SHROOM3: variants seen among roughly 807,000 people sequenced by gnomAD.
SHROOM3 encodes the protein shroom family member 3.
In SHROOM3, 47 loss-of-function variants were observed where a neutral mutation model predicts 138.6. The ratio of observed to expected loss-of-function variants is 0.34; its 90% CI spans 0.27 to 0.43. The LOEUF (loss-of-function observed/expected upper bound fraction) is 0.43, where lower values mean the gene tolerates loss of function less well. Ranked by LOEUF, SHROOM3 falls within the 20% of genes least tolerant of loss-of-function variation. The probability of loss-of-function intolerance (pLI) is 1.00; values close to 1 mark genes in which losing one functional copy is unlikely to be tolerated. For synonymous variants in SHROOM3, 1,062 were observed against 1,063.3 expected (o/e 1.00, Z 0.02); for missense variants, 2,491 against 2,596.5 (o/e 0.96, Z 0.88).
At chr4:76,725,150 C>T (rs1333202232) in intron 3 of SHROOM3, among the ~76,000 whole-genome samples, 1 of 151,726 alleles carries the variant, frequency 6.6e-6, no homozygotes, top group Non-Finnish European at 1.5e-5. Flanking sequence ...CCCTCCCCAC[C>T]CCCACCGCCA....
intron 2 of SHROOM3, among the ~76,000 whole-genome samples, chr4:76,667,087 C>T (rs1333191918): frequency 1.3e-5 from 2 of 152,034 alleles, no homozygotes; most frequent in Non-Finnish European, 2.9e-5. Flanking sequence ...GAGGATTGGA[C>T]AATTATTGTT....
At position 76,741,376 on chromosome 4, in the gene SHROOM3, G is replaced by A. The variant is rs773624898; in HGVS notation, c.3203G>A (p.Cys1068Tyr). ...CTCTTCGAGCGCGATGGCAAGGCCT[G>A]CTCCACGCTCAGCCTGTCGGGGCCC... Reference protein sequence around the residue: ...RRLFERDGKACSTLSLSGPEL... With the variant: ...RRLFERDGKAYSTLSLSGPEL... The change falls in exon 5 of 11, where the codon TGC becomes TAC. Residue 1068 changes from cysteine (C) to tyrosine (Y), a missense_variant. By Grantham distance (194) the Cys-to-Tyr change is radical (BLOSUM62 -2). Transcript: ENST00000296043. The surrounding 1 kb of genome is among the most constrained non-coding windows in gnomAD (Gnocchi z 6.2). The A allele has an allele frequency of 1.1e-5, 18 of 1,604,078 alleles. No homozygotes were observed. The highest frequency in any genetic ancestry group is 2.3e-5 in the East Asian group (1 of 44,382).
chr4:76,623,584 A>G (rs1735055076), intron 2 of SHROOM3, among the ~76,000 whole-genome samples: 1 of 152,234 alleles, frequency 6.6e-6, no homozygotes, highest in Admixed American at 6.5e-5. Flanking sequence ...CTTATCCAAT[A>G]TGCACAAATA....
intron 6 of SHROOM3, among the ~76,000 whole-genome samples, chr4:76,752,288 G>A (rs988401710): frequency 6.6e-6 from 1 of 152,156 alleles, no homozygotes; most frequent in Admixed American, 6.5e-5. Context: ...ATTTCCAGGG[G>A]TTAGTAGGAG....
chr4:76,473,666 A>C (rs28790919), intron 1 of SHROOM3, among the ~76,000 whole-genome samples: 2,131 of 152,252 alleles, frequency 0.014, 53 homozygotes, highest in African/African-American at 0.049. Context: ...GTTTGAACAG[A>C]TATTTTTCCA....
chr4:76,529,793 G>A (rs1047956700), intron 1 of SHROOM3, among the ~76,000 whole-genome samples: 8 of 152,156 alleles, frequency 5.3e-5, no homozygotes, highest in East Asian at 1.9e-4. Context: ...CCAGTCCAGC[G>A]AAGATTTTTT....
At chr4:76,676,745 C>T (rs1719037069) in intron 2 of SHROOM3, among the ~76,000 whole-genome samples, 1 of 151,808 alleles carries the variant, frequency 6.6e-6, no homozygotes, top group Admixed American at 6.6e-5. Flanking sequence ...AGAGCGAGAC[C>T]ATCCTGGCTA....
chr4:76,525,364 A>G (rs566928125), intron 1 of SHROOM3, among the ~76,000 whole-genome samples: 2 of 152,244 alleles, frequency 1.3e-5, no homozygotes, highest in Admixed American at 1.3e-4. Flanking sequence ...CATGGGGGAA[A>G]CCACCCCCAT....
At chr4:76,772,103 C>CTTTTT (rs35590411) in intron 10 of SHROOM3, among the ~76,000 whole-genome samples, 10 of 125,134 alleles carry the variant, frequency 8.0e-5, no homozygotes, top group Non-Finnish European at 1.5e-4. Context: ...TTTTCTTTTT[C>CTTTTT]TTTTTTTTTT....
In SHROOM3 at chr4:76,520,123, T is replaced by C. The variant is rs546106588; in HGVS notation, c.169-35486T>C. Among the ~76,000 whole-genome samples, 3 of 152,322 alleles carry C rather than the reference T, an allele frequency of 2.0e-5. No homozygotes were observed. The South Asian group carries it at 6.2e-4, about 32-fold the overall frequency. On this transcript the variant is annotated intron_variant, in intron 1 of 10. Transcript: ENST00000296043. The stretch of plus-strand genomic sequence containing the variant: ...CCTCCCATTCAAAGCAAGCCTTTGA[T>C]CTTCAGATAACTCTGACCATTAAAA...
At chr4:76,648,221 A>G (rs1238826457) in intron 2 of SHROOM3, among the ~76,000 whole-genome samples, 2 of 151,414 alleles carry the variant, frequency 1.3e-5, no homozygotes, top group African/African-American at 4.9e-5. Context: ...CCAGCCACTA[A>G]GGAGGCTGGG....
At chr4:76,546,539 C>A (rs1161656796) in intron 1 of SHROOM3, among the ~76,000 whole-genome samples, 1 of 152,180 alleles carries the variant, frequency 6.6e-6, no homozygotes, top group Non-Finnish European at 1.5e-5. Context: ...TTTCATTGGC[C>A]TCACTTTATG....
chr4:76,451,041 C>A (rs1186056866), intron 1 of SHROOM3, among the ~76,000 whole-genome samples: 1 of 152,054 alleles, frequency 6.6e-6, no homozygotes. Context: ...ACCTCTGCCC[C>A]TGGGTTCACG....
intron 1 of SHROOM3, among the ~76,000 whole-genome samples, chr4:76,492,727 C>T (rs1731879150): frequency 6.6e-6 from 1 of 152,136 alleles, no homozygotes; most frequent in African/African-American, 2.4e-5. Context: ...GCATGAGATC[C>T]TATACACGTG....
intron 1 of SHROOM3, among the ~76,000 whole-genome samples, chr4:76,519,878 T>C (rs545433481): frequency 6.6e-6 from 1 of 152,204 alleles, no homozygotes; most frequent in Non-Finnish European, 1.5e-5. Context: ...AGTGGATTTG[T>C]GAGGTGTGAG....
At chr4:76,757,115 T>A in intron 8 of SHROOM3, 178 bp downstream of exon 8, 2 of 840,916 alleles carry the variant, frequency 2.4e-6, no homozygotes, top group Non-Finnish European at 1.9e-6. Flanking sequence ...GGGACAGATA[T>A]GCAACAACAA....
chr4:76,590,482 CAT>C (rs1367447887), intron 2 of SHROOM3, among the ~76,000 whole-genome samples: 1 of 149,266 alleles, frequency 6.7e-6, no homozygotes, highest in Non-Finnish European at 1.5e-5. Context: ...CAGGAAGTCT[CAT>C]AGCAACAGCT....
chr4:76,539,102 G>T lies in SHROOM3; in HGVS notation c.169-16507G>T, dbSNP rs767527299. Among the ~76,000 whole-genome samples, 5 of 152,122 alleles carry T rather than the reference G, an allele frequency of 3.3e-5. 1 individual carries two copies. The highest frequency in any genetic ancestry group is 6.8e-3 in the Middle Eastern group (2 of 294). ...CTGCTATTTATAACTTCATAACTTC[G>T]GGAAACTTAATATTGCTGAGTCTTA... is the stretch of plus-strand genomic sequence containing the variant. On this transcript the variant is annotated intron_variant, in intron 1 of 10. Transcript: ENST00000296043.
chr4:76,528,645 C>T (rs561775365), intron 1 of SHROOM3, among the ~76,000 whole-genome samples: 8 of 148,852 alleles, frequency 5.4e-5, no homozygotes, highest in South Asian at 2.1e-4. Context: ...TTCTACCTCC[C>T]GGGTTCAAGC....
Sources: gnomAD v4.1 joint callset for allele counts (sites outside exome capture counted in the v4.1 genomes callset) on GRCh38, gnomAD v4.1.1 for gene constraint, Gnocchi (gnomAD v3.1) non-coding constraint, MANE v1.5 for transcripts, NCBI Gene and HGNC (gene_info 2026-07-23, HGNC 2026-07-21) for gene names.